Variants in PDE4B observed in about 807,000 individuals in gnomAD.
The protein encoded by PDE4B is 3',5'-cyclic-AMP phosphodiesterase 4B.
In PDE4B, 20 loss-of-function variants were observed where a neutral mutation model predicts 82.2. The ratio of observed to expected loss-of-function variants is 0.24; its 90% confidence interval spans 0.17 to 0.35. The LOEUF (loss-of-function observed/expected upper bound fraction) is 0.35, where lower values mean the gene tolerates loss of function less well. Among genes scored for constraint, PDE4B ranks in the 10% least tolerant of loss-of-function variants. The pLI is 1.00. For missense variants in PDE4B, 655 were observed against 907.2 expected, an observed-to-expected ratio of 0.72 and a Z score of 3.57; for synonymous variants, 320 against 318.9, an observed-to-expected ratio of 1.00 and a Z score of -0.04.
chr1:65,988,928 G>A (rs1651098915), intron 3 of PDE4B, among the ~76,000 whole-genome samples: 3 of 152,046 alleles, frequency 2.0e-5, no homozygotes, highest in Non-Finnish European at 1.5e-5. Context: ...CAAAATAATT[G>A]TATTACAAAG....
chr1:66,248,434 C>G (rs764041024), intron 4 of PDE4B, among the ~76,000 whole-genome samples: 6 of 152,182 alleles, frequency 3.9e-5, no homozygotes, highest in Non-Finnish European at 8.8e-5. Flanking sequence ...AAATTCCACT[C>G]TGTTCTCTTC....
intron 3 of PDE4B, among the ~76,000 whole-genome samples, chr1:66,122,994 C>T (rs1192939827): frequency 2.0e-5 from 3 of 152,058 alleles, no homozygotes; most frequent in South Asian, 2.1e-4. Flanking sequence ...ATGTGAGCCA[C>T]CATGCCTGGC....
At chr1:65,810,682 T>G (rs542760001) in intron 1 of PDE4B, among the ~76,000 whole-genome samples, 30 of 152,190 alleles carry the variant, frequency 2.0e-4, no homozygotes, top group Non-Finnish European at 1.6e-4. Context: ...CAAACTTAGG[T>G]CTATCTGACT....
At chr1:66,124,741 GA>G (rs72163297) in intron 3 of PDE4B, among the ~76,000 whole-genome samples, 9,163 of 151,396 alleles carry the variant, frequency 0.061, 933 homozygotes, top group African/African-American at 0.21. Context: ...TCAATGAGGG[GA>G]AAAAAAAAGT....
intron 3 of PDE4B, among the ~76,000 whole-genome samples, chr1:66,160,081 C>T (rs1291079579): frequency 2.0e-5 from 3 of 152,172 alleles, no homozygotes; most frequent in Non-Finnish European, 4.4e-5. Context: ...AAATAGAGTC[C>T]TCACACAGGA....
chr1:66,312,672 T>A (rs1042617691), intron 7 of PDE4B, among the ~76,000 whole-genome samples: 4 of 152,208 alleles, frequency 2.6e-5, no homozygotes, highest in Admixed American at 2.6e-4. Flanking sequence ...GATGCAGACA[T>A]CTTTAGGAGA....
At position 66,106,774 on chromosome 1, in the gene PDE4B, C is replaced by T. The variant is rs1421536841; in HGVS notation, c.282-140686C>T. On this transcript the variant is annotated intron_variant, in intron 3 of 16. Coordinates refer to ENST00000341517, the MANE Select transcript of PDE4B (RefSeq NM_002600.4). ...ATGGTAGTTTGTATTTCTGTGGGAT[C>T]GGTGGTGATATCCCCTTTATCATTT... 4.1e-5 allele frequency among the ~76,000 whole-genome samples: 6 copies of T among 146,290 alleles called. No homozygotes were observed. In the South Asian group the frequency reaches 9.1e-4, roughly 22 times the overall value.
At chr1:65,966,721 C>T (rs1294773745) in intron 3 of PDE4B, among the ~76,000 whole-genome samples, 2 of 152,044 alleles carry the variant, frequency 1.3e-5, no homozygotes, top group African/African-American at 4.8e-5. Flanking sequence ...TGGAATAGAA[C>T]AGAGGCCTCA....
chr1:66,276,352 T>C (rs1333290156), intron 7 of PDE4B, among the ~76,000 whole-genome samples: 1 of 152,232 alleles, frequency 6.6e-6, no homozygotes, highest in Non-Finnish European at 1.5e-5. Flanking sequence ...GAATCAGAAC[T>C]GAAAGCTAGA....
chr1:66,213,048 TC>T (rs1175591369), intron 3 of PDE4B, among the ~76,000 whole-genome samples: 2 of 152,198 alleles, frequency 1.3e-5, no homozygotes, highest in African/African-American at 2.4e-5. Flanking sequence ...CTTTTCTTTT[TC>T]TTTTTTTTCC....
At chr1:66,217,375 G>C (rs531643072) in intron 3 of PDE4B, among the ~76,000 whole-genome samples, 6 of 152,120 alleles carry the variant, frequency 3.9e-5, no homozygotes, top group Admixed American at 3.9e-4. Flanking sequence ...TGCTAGGCCT[G>C]AAGAAGCAGG....
chr1:66,065,168 T>A (rs1655783449), intron 3 of PDE4B, among the ~76,000 whole-genome samples: 1 of 151,916 alleles, frequency 6.6e-6, no homozygotes, highest in Non-Finnish European at 1.5e-5. Flanking sequence ...TCACTTATGG[T>A]ATTATTAATG....
intron 3 of PDE4B, among the ~76,000 whole-genome samples, chr1:66,034,712 A>T (rs1370973341): frequency 2.0e-5 from 3 of 152,132 alleles, no homozygotes; most frequent in Non-Finnish European, 2.9e-5. Flanking sequence ...TCAGAACCCT[A>T]GCATGTCTAG....
intron 3 of PDE4B, among the ~76,000 whole-genome samples, chr1:66,149,336 T>C (rs886720901): frequency 2.6e-5 from 4 of 152,246 alleles, no homozygotes; most frequent in Admixed American, 2.6e-4. Context: ...GAGTTATTTA[T>C]ATATTCTGGA....
chr1:66,299,566 T>C (rs1570649590), intron 7 of PDE4B, among the ~76,000 whole-genome samples: 1 of 152,192 alleles, frequency 6.6e-6, no homozygotes, highest in African/African-American at 2.4e-5. Flanking sequence ...TTATTTTCCC[T>C]TGGATAAATA....
intron 3 of PDE4B, among the ~76,000 whole-genome samples, chr1:66,241,918 G>T (rs1044144726): frequency 4.6e-5 from 7 of 152,180 alleles, no homozygotes; most frequent in African/African-American, 1.7e-4. Context: ...CTTTTTGTCA[G>T]ATGCGAGAAA....
intron 7 of PDE4B, among the ~76,000 whole-genome samples, chr1:66,329,859 G>T (rs1659987547): frequency 6.6e-6 from 1 of 152,210 alleles, no homozygotes; most frequent in Admixed American, 6.5e-5. Context: ...CAGTGCTACA[G>T]ATGGACCATT....
At chr1:66,022,709 C>T (rs1443413534) in intron 3 of PDE4B, among the ~76,000 whole-genome samples, 1 of 152,120 alleles carries the variant, frequency 6.6e-6, no homozygotes, top group Non-Finnish European at 1.5e-5. Flanking sequence ...TTCGGTTTGC[C>T]AGTATTTTAT....
intron 3 of PDE4B, among the ~76,000 whole-genome samples, chr1:66,225,597 GCA>G (rs1458007201): frequency 1.3e-5 from 2 of 152,164 alleles, no homozygotes; most frequent in African/African-American, 4.8e-5. Flanking sequence ...GACGTCTTAT[GCA>G]CAGTTCCAGC....
Sources: gnomAD v4.1 joint callset for allele counts (sites outside exome capture counted in the v4.1 genomes callset) on GRCh38, gnomAD v4.1.1 for gene constraint, MANE v1.5 for transcripts, NCBI Gene and HGNC (gene_info 2026-07-23, HGNC 2026-07-21) for gene names.